The following ZNF85 variants were observed in gnomAD, a reference collection of about 807,000 sequenced individuals.
ZNF85 encodes the protein zinc finger protein 85.
ZNF85 carries 50 observed loss-of-function variants against 53.9 expected under a neutral mutation model. That is an observed-to-expected ratio of 0.93 (90% CI 0.74 to 1.17). The LOEUF (loss-of-function observed/expected upper bound fraction) is 1.17. Ranked by LOEUF, ZNF85 falls within the 50% of genes most tolerant of loss-of-function variation. The pLI is 0.00. For missense variants in ZNF85, 747 were observed against 688.5 expected (o/e 1.08, Z -0.95); for synonymous variants, 225 against 226.1 (o/e 1.00, Z 0.04).
intron 3 of ZNF85, chr19:20,943,003 T>C (rs1973334594): frequency 2.0e-6 from 1 of 504,180 alleles, no homozygotes; most frequent in Non-Finnish European, 3.5e-6. Flanking sequence ...CTCAAACTTC[T>C]GGCTCCAAAT....
Position 20,950,340 on chromosome 19 carries a change from C to G in ZNF85, c.*38C>G. 1.4e-6 allele frequency: 2 copies of G among 1,410,512 alleles called. No individual in the cohort carries two copies. The highest frequency in any genetic ancestry group is 1.9e-6 in the Non-Finnish European group (2 of 1,057,742). The allele number at this position is 1,410,512 out of a possible 1,614,324, so 87.4% of individuals were successfully genotyped here. The stretch of plus-strand genomic sequence containing the variant: ...AGCTTTAATCAATTTACAAGTCTTA[C>G]TAAACATAAGAAAATTTATACTGGA... On this transcript the variant is annotated 3_prime_UTR_variant, in exon 4 of 4. Coordinates refer to ENST00000328178, the MANE Select transcript of ZNF85 (RefSeq NM_003429.5).
chr19:20,923,335 G>T lies in ZNF85; in HGVS notation c.-66G>T. 6.2e-7 allele frequency: 1 copy of T among 1,612,214 alleles called. No individual in the cohort carries two copies. The highest frequency in any genetic ancestry group is 2.2e-5 in the East Asian group (1 of 44,836). On this transcript the variant is annotated 5_prime_UTR_variant, in exon 1 of 4. Coordinates refer to ENST00000328178, the MANE Select transcript of ZNF85 (RefSeq NM_003429.5). The stretch of plus-strand genomic sequence containing the variant: ...TGCTCGTGGACGCCCAGCCTCTGTG[G>T]CCCTGTGGCCTGCAGGTATTGGGAG...
rs373778629 is a variant in ZNF85 at position 20,949,095 on chromosome 19, G to A, written c.581G>A (p.Arg194Lys). ...GMISCLTEHS[R>K]IHTRVNFYKC... ...ATTTCATGCCTAACTGAACATAGCA[G>A]AATTCATACTAGAGTAAATTTCTAC... The change falls in exon 4 of 4, where the codon AGA (arginine) becomes AAA (lysine). Residue 194 changes from arginine (R) to lysine (K), a missense_variant. Physicochemically the swap from Arg to Lys is conservative, Grantham distance 26. Transcript: ENST00000328178. 5.6e-6 allele frequency: 9 copies of A among 1,613,698 alleles called. No homozygotes were observed. The African/African-American group carries it at 1.2e-4, about 22-fold the overall frequency.
intron 3 of ZNF85, chr19:20,937,475 G>C (rs551096917): frequency 1.6e-4 from 62 of 382,654 alleles, no homozygotes; most frequent in Admixed American, 3.2e-5. Context: ...TCCGCCTTTA[G>C]TTGGTTTGTT....
Position 20,948,750 on chromosome 19 carries a change from GT to G in ZNF85, c.238del (p.Ser80LeufsTer13). On this transcript the variant is annotated frameshift_variant, in exon 4 of 4. Transcript: ENST00000328178. LOFTEE classifies it high-confidence loss of function. ...EIMVAKPTVM[C>X]SHFAQDLWPE... The stretch of plus-strand genomic sequence containing the variant: ...TCATTTTTGTTTCTTTCAGTTATGT[GT>G]TCTCATTTTGCCCAAGACCTTTGGC... 1 of 1,550,546 alleles carries G rather than the reference GT, an allele frequency of 6.4e-7. No individual in the cohort carries two copies. The highest frequency in any genetic ancestry group is 1.3e-5 in the South Asian group (1 of 77,944).
chr19:20,937,104 C>T (rs142951396), intron 3 of ZNF85: 27,313 of 255,728 alleles, frequency 0.11, 1,663 homozygotes, highest in Non-Finnish European at 0.13. Flanking sequence ...ACGATCTCGG[C>T]TCACTGCAAC....
Position 20,923,272 on chromosome 19 carries a change from C to T in ZNF85, c.-129C>T, listed in dbSNP as rs1972796806. 7 of 1,458,802 alleles carry T rather than the reference C, an allele frequency of 4.8e-6. No homozygotes were observed. The highest frequency in any genetic ancestry group is 6.6e-6 in the Non-Finnish European group (7 of 1,053,858). 90.4% of individuals were successfully genotyped at this position (1,458,802 alleles called of 1,614,324 possible). On this transcript the variant is annotated 5_prime_UTR_variant, in exon 1 of 4. Coordinates refer to ENST00000328178, the MANE Select transcript of ZNF85 (RefSeq NM_003429.5). ...CGGGGCCTTTGTCTCTCGCTGCAGCCTGAGCTCTAGGTCTTGTTTTCCCTG... is the reference window on the plus strand; with the variant it reads ...CGGGGCCTTTGTCTCTCGCTGCAGCTTGAGCTCTAGGTCTTGTTTTCCCTG...
At chr19:20,937,502 G>A (rs905474124) in intron 3 of ZNF85, 2 of 352,826 alleles carry the variant, frequency 5.7e-6, no homozygotes, top group African/African-American at 4.3e-5. Flanking sequence ...GGCTTGGGTA[G>A]CTGTAACTCC....
chr19:20,934,005 A>C lies in ZNF85; in HGVS notation c.4-19A>C. ...TGTGTGTGTGTGTGTGTGTATGTGTATGTGTGTGTATCTTTCAGGGACCAT... is the reference window on the plus strand; with the variant it reads ...TGTGTGTGTGTGTGTGTGTATGTGTCTGTGTGTGTATCTTTCAGGGACCAT... On this transcript the variant is annotated intron_variant, in intron 1 of 3. Coordinates refer to ENST00000328178, the MANE Select transcript of ZNF85 (RefSeq NM_003429.5). 18 of 1,420,260 alleles carry C rather than the reference A, an allele frequency of 1.3e-5. No individual in the cohort carries two copies. Among genetic ancestry groups the C allele is most frequent in the Admixed American group, 8.1e-5 (4 of 49,084 alleles). The allele number at this position is 1,420,260 out of a possible 1,614,324, so 88.0% of individuals were successfully genotyped here.
In ZNF85 at chr19:20,949,728, A is replaced by T; in HGVS notation, c.1214A>T (p.Lys405Ile). 6.2e-7 allele frequency: 1 copy of T among 1,613,022 alleles called. No individual in the cohort carries two copies. The highest frequency in any genetic ancestry group is 8.5e-7 in the Non-Finnish European group (1 of 1,179,376). Residue 405 changes from lysine to isoleucine, a missense_variant, in exon 4 of 4, where the codon AAA becomes ATA. Lys to Ile is a moderately radical substitution (Grantham distance 102, BLOSUM62 -3). Transcript: ENST00000328178. ...EKPYKCKECG[K>I]AFKHSSTLTK... ...CCTTACAAATGTAAAGAATGTGGTA[A>T]AGCTTTTAAACACTCTTCAACCCTT... is the stretch of plus-strand genomic sequence containing the variant.
chr19:20,936,621 AGAG>A (rs923608759), intron 3 of ZNF85: 10 of 158,064 alleles, frequency 6.3e-5, no homozygotes, highest in African/African-American at 2.4e-4. Flanking sequence ...AGGCAAAGGC[AGAG>A]GAGAACAAAG....
intron 3 of ZNF85, among the ~76,000 whole-genome samples, chr19:20,940,181 C>T (rs1368610762): frequency 8.2e-5 from 12 of 146,972 alleles, no homozygotes; most frequent in Admixed American, 7.5e-4. Flanking sequence ...CAGTTTTTTT[C>T]TTTAGAAAAT....
chr19:20,946,821 T>G (rs1408821525), intron 3 of ZNF85, among the ~76,000 whole-genome samples: 1 of 152,126 alleles, frequency 6.6e-6, no homozygotes. Flanking sequence ...CAGTCTTTCT[T>G]TATCATTAGA....
rs375839516 is a variant in ZNF85, at chr19:20,934,983, T to C, written c.165T>C (p.Cys55=). ...TTTCTAAGCCAGACCTGATCACTTG[T>C]CTGGAGCAAGGGAAAGAGGCCTGGA... The part of the protein sequence containing the change: ...ITVSKPDLIT[C]LEQGKEAWSM... Residue 55 remains cysteine (C), a synonymous_variant, in exon 3 of 4, where the codon TGT becomes TGC. Coordinates refer to ENST00000328178, the MANE Select transcript of ZNF85 (RefSeq NM_003429.5). 9 of 1,611,372 alleles carry C rather than the reference T, an allele frequency of 5.6e-6. No individual in the cohort carries two copies. The African/African-American group carries it at 1.1e-4, about 19-fold the overall frequency.
chr19:20,940,072 G>A (rs529472711), intron 3 of ZNF85, among the ~76,000 whole-genome samples: 5 of 146,918 alleles, frequency 3.4e-5, no homozygotes, highest in South Asian at 2.2e-4. Context: ...TTTACCATGC[G>A]TTTAATAATG....
chr19:20,943,668 CTATT>C (rs1469166966), intron 3 of ZNF85: 1 of 152,114 alleles, frequency 6.6e-6, no homozygotes, highest in Non-Finnish European at 1.5e-5. Flanking sequence ...TCTGAATTTT[CTATT>C]TATTATTAAA....
chr19:20,933,012 C>T (rs537741283), intron 1 of ZNF85, among the ~76,000 whole-genome samples: 2 of 148,672 alleles, frequency 1.3e-5, no homozygotes, highest in South Asian at 2.1e-4. Context: ...GGTGAAACCC[C>T]GTCTCTACTA....
chr19:20,938,876 G>GTGTA (rs1310167478), intron 3 of ZNF85, among the ~76,000 whole-genome samples: 5 of 140,476 alleles, frequency 3.6e-5, no homozygotes, highest in African/African-American at 1.4e-4. Flanking sequence ...GTGTGTGTGT[G>GTGTA]TATATATATG....
At chr19:20,945,260 G>C (rs1034137842) in intron 3 of ZNF85, among the ~76,000 whole-genome samples, 11 of 152,058 alleles carry the variant, frequency 7.2e-5, no homozygotes, top group African/African-American at 2.7e-4. Flanking sequence ...AGCTGAATCT[G>C]AATACACATT....
Sources: allele counts gnomAD v4.1 joint callset (sites outside exome capture counted in the v4.1 genomes callset), GRCh38; gene constraint gnomAD v4.1.1; transcripts MANE v1.5; gene names NCBI Gene and HGNC (gene_info 2026-07-23, HGNC 2026-07-21).